FRMD5: variants seen among roughly 807,000 people sequenced by gnomAD.
FRMD5 encodes FERM domain containing 5.
In FRMD5, 20 loss-of-function variants were observed where a neutral mutation model predicts 69.0. The observed-to-expected ratio is 0.29, with a 90% CI of 0.20 to 0.42. FRMD5 has a LOEUF of 0.42. Ranked by LOEUF, FRMD5 falls within the 10% of genes least tolerant of loss-of-function variation. FRMD5 has a pLI of 1.00. For missense variants in FRMD5, 595 were observed against 708.6 expected, an observed-to-expected ratio of 0.84 and a Z score of 1.82; for synonymous variants, 271 against 260.1, an observed-to-expected ratio of 1.04 and a Z score of -0.40.
chr15:44,083,492 T>G (rs1182172803), intron 1 of FRMD5, among the ~76,000 whole-genome samples: 2 of 152,060 alleles, frequency 1.3e-5, no homozygotes, highest in African/African-American at 4.8e-5. Context: ...TCTGTGATCC[T>G]GCTCAAGCTT....
At chr15:44,053,886 T>A (rs1159305778) in intron 1 of FRMD5, among the ~76,000 whole-genome samples, 1 of 152,168 alleles carries the variant, frequency 6.6e-6, no homozygotes, top group Non-Finnish European at 1.5e-5. Context: ...TAGGAAAGAA[T>A]TCAGAATATG....
intron 1 of FRMD5, among the ~76,000 whole-genome samples, chr15:44,076,992 T>C (rs1893798615): frequency 6.6e-6 from 1 of 151,990 alleles, no homozygotes; most frequent in Non-Finnish European, 1.5e-5. Context: ...CACAGATTTA[T>C]TCTTGGATAT....
chr15:44,147,354 T>G (rs1325980379), intron 1 of FRMD5, among the ~76,000 whole-genome samples: 1 of 152,180 alleles, frequency 6.6e-6, no homozygotes, highest in Non-Finnish European at 1.5e-5. Context: ...GGTATACATG[T>G]CTGTTTTCAT....
At chr15:43,925,694 A>G (rs1482580717) in intron 1 of FRMD5, among the ~76,000 whole-genome samples, 1 of 152,084 alleles carries the variant, frequency 6.6e-6, no homozygotes, top group Non-Finnish European at 1.5e-5. Flanking sequence ...CACTCACCCA[A>G]AATCATTTTC....
intron 1 of FRMD5, among the ~76,000 whole-genome samples, chr15:44,178,036 A>C (rs1197052335): frequency 6.6e-6 from 1 of 152,220 alleles, no homozygotes; most frequent in Non-Finnish European, 1.5e-5. Context: ...GACTTATAAA[A>C]GGCAAGTTTT....
At chr15:43,931,734 A>G (rs2089679779) in intron 1 of FRMD5, among the ~76,000 whole-genome samples, 1 of 152,118 alleles carries the variant, frequency 6.6e-6, no homozygotes. Context: ...CCTCCTCTTC[A>G]CAAAAAAATT....
intron 1 of FRMD5, among the ~76,000 whole-genome samples, chr15:44,093,717 T>C (rs1270107686): frequency 6.6e-6 from 1 of 151,714 alleles, no homozygotes; most frequent in African/African-American, 2.4e-5. Flanking sequence ...GGACTACAGG[T>C]GCCCTCCACC....
chr15:43,971,268 C>A (rs779508212), intron 1 of FRMD5, among the ~76,000 whole-genome samples: 53 of 151,526 alleles, frequency 3.5e-4, no homozygotes, highest in Middle Eastern at 3.4e-3. Context: ...AAAACAAAAA[C>A]CAAAAAAACA....
At chr15:43,985,637 C>A (rs1317908108) in intron 1 of FRMD5, among the ~76,000 whole-genome samples, 3 of 152,136 alleles carry the variant, frequency 2.0e-5, no homozygotes, top group Admixed American at 1.3e-4. Flanking sequence ...TAAGGATGAG[C>A]TGGCTGGGTG....
chr15:44,140,787 G>A (rs2077259413), intron 1 of FRMD5, among the ~76,000 whole-genome samples: 1 of 150,684 alleles, frequency 6.6e-6, no homozygotes, highest in African/African-American at 2.5e-5. Flanking sequence ...AGAGGCTGAG[G>A]TAGGAGGGTC....
chr15:44,132,259 C>T (rs1366254208), intron 1 of FRMD5, among the ~76,000 whole-genome samples: 3 of 152,174 alleles, frequency 2.0e-5, no homozygotes, highest in African/African-American at 7.2e-5. Context: ...TGCTCGTCCA[C>T]CACTCACCTC....
At chr15:44,068,634 G>T (rs569677768) in intron 1 of FRMD5, among the ~76,000 whole-genome samples, 1 of 152,278 alleles carries the variant, frequency 6.6e-6, no homozygotes, top group African/African-American at 2.4e-5. Flanking sequence ...ATGGGTACGA[G>T]ATTCCTTTTT....
At chr15:43,897,206 T>C (rs2140386014) in intron 7 of FRMD5, among the ~76,000 whole-genome samples, 1 of 151,752 alleles carries the variant, frequency 6.6e-6, no homozygotes, top group East Asian at 1.9e-4. Context: ...AAGTGAGGGG[T>C]GCTGGGCATG....
At chr15:43,881,640 C>T (rs911239613) in intron 13 of FRMD5, among the ~76,000 whole-genome samples, 4 of 152,190 alleles carry the variant, frequency 2.6e-5, no homozygotes, top group Admixed American at 2.0e-4. Flanking sequence ...GGCCTGTAAA[C>T]GCTTTAGTCT....
chr15:44,140,880 CAA>C (rs1203954176), intron 1 of FRMD5, among the ~76,000 whole-genome samples: 369 of 31,886 alleles, frequency 0.012, 1 homozygote, highest in African/African-American at 0.036. Context: ...GAGACTGTCT[CAA>C]AAAAAAAAAA....
At chr15:44,158,398 T>C (rs1274654325) in intron 1 of FRMD5, among the ~76,000 whole-genome samples, 1 of 152,280 alleles carries the variant, frequency 6.6e-6, no homozygotes, top group African/African-American at 2.4e-5. Context: ...TTCTATCCAA[T>C]AGCACCAAAA....
chr15:44,084,999 C>A (rs1479234494), intron 1 of FRMD5, among the ~76,000 whole-genome samples: 1 of 152,058 alleles, frequency 6.6e-6, no homozygotes, highest in Non-Finnish European at 1.5e-5. Context: ...TGACTGTGAT[C>A]TGAGCACCAA....
chr15:44,133,169 G>A lies in FRMD5; in HGVS notation c.102+61784C>T, dbSNP rs549603003. ...TCGGAGATTGCAGTGAGCTGAGATC[G>A]CGCCACTGCACTCCAGCCTGGCGAC... On this transcript the variant is annotated intron_variant, in intron 1 of 13. Coordinates refer to ENST00000417257, the MANE Select transcript of FRMD5 (RefSeq NM_032892.5). Among the ~76,000 whole-genome samples the A allele has an allele frequency of 5.1e-3, 772 of 151,560 alleles. 6 individuals carry two copies. The highest frequency in any genetic ancestry group is 8.6e-3 in the Non-Finnish European group (582 of 67,900).
intron 1 of FRMD5, among the ~76,000 whole-genome samples, chr15:44,062,069 C>T (rs987025915): frequency 6.6e-6 from 1 of 152,196 alleles, no homozygotes; most frequent in African/African-American, 2.4e-5. Context: ...ACAATCTGAA[C>T]AGCCTTGCTG....
Sources: allele counts gnomAD v4.1 joint callset (sites outside exome capture counted in the v4.1 genomes callset), GRCh38; gene constraint gnomAD v4.1.1; transcripts MANE v1.5; gene names NCBI Gene and HGNC (gene_info 2026-07-23, HGNC 2026-07-21).